SYNE1: variants seen among roughly 807,000 people sequenced by gnomAD.
SYNE1 encodes spectrin repeat containing nuclear envelope protein 1.
In SYNE1, 616 loss-of-function variants were observed where a neutral mutation model predicts 1,111.0. The ratio of observed to expected loss-of-function variants is 0.55; its 90% CI spans 0.52 to 0.59. SYNE1 has a LOEUF of 0.59. Among genes scored for constraint, SYNE1 ranks in the 20% least tolerant of loss-of-function variants. The probability of loss-of-function intolerance (pLI) is 0.00; values close to 1 mark genes in which losing one functional copy is unlikely to be tolerated. For synonymous variants in SYNE1, 3,855 were observed against 3,825.8 expected (o/e 1.01, Z -0.28); for missense variants, 10,006 against 10,417.0 (o/e 0.96, Z 1.72).
At chr6:152,251,631 C>T (rs935491633) in intron 104 of SYNE1, among the ~76,000 whole-genome samples, 1 of 150,490 alleles carries the variant, frequency 6.6e-6, no homozygotes, top group Non-Finnish European at 1.5e-5. Context: ...TAGTGGCGGG[C>T]GCCTGTAGTC....
At chr6:152,546,441 A>G (rs888302975) in intron 3 of SYNE1, 5 of 152,114 alleles carry the variant, frequency 3.3e-5, no homozygotes, top group African/African-American at 4.8e-5. Flanking sequence ...TGAGATCTAC[A>G]TTGATCAATA....
rs779302145 is a variant in SYNE1, at chr6:152,407,013, C to G, written c.6723+1G>C. 21 of 1,612,374 alleles carry G rather than the reference C, an allele frequency of 1.3e-5. No individual in the cohort carries two copies. Among genetic ancestry groups the G allele is most frequent in the Non-Finnish European group, 1.7e-5 (20 of 1,179,548 alleles). On this transcript the variant is annotated splice_donor_variant, in intron 45 of 145. Transcript: ENST00000367255. LOFTEE classifies it high-confidence loss of function. ...GCCATATGTCAACACAGTCAATTTA[C>G]CTCAAATTCTTTAAGCAGTTCTTCA...
Position 152,206,308 on chromosome 6 carries a change from C to A in SYNE1, c.22879G>T (p.Ala7627Ser), listed in dbSNP as rs2153398279. 6.2e-7 allele frequency: 1 copy of A among 1,614,062 alleles called. No individual in the cohort carries two copies. The highest frequency in any genetic ancestry group is 8.5e-7 in the Non-Finnish European group (1 of 1,180,024). Reference sequence around the variant, plus strand: ...GCCGAGAGAAGGAGTTGCTTGCCAGCCTCCACAGTCAGGATGTAGCTGCCT... The same window carrying A: ...GCCGAGAGAAGGAGTTGCTTGCCAGACTCCACAGTCAGGATGTAGCTGCCT... Reference protein sequence around the residue: ...QQGSYILTVEAGKQLLLSADS... With the variant: ...QQGSYILTVESGKQLLLSADS... The change falls in exon 126 of 146, where the codon GCT becomes TCT. Residue 7627 changes from alanine (A) to serine (S), a missense_variant. By Grantham distance (99) the Ala-to-Ser change is moderately conservative (BLOSUM62 1). Coordinates refer to ENST00000367255, the MANE Select transcript of SYNE1 (RefSeq NM_182961.4).
Position 152,359,476 on chromosome 6 carries a change from A to G in SYNE1, c.10300-18T>C. The G allele has an allele frequency of 6.2e-7, 1 of 1,614,152 alleles. No homozygotes were observed. Among genetic ancestry groups the G allele is most frequent in the Non-Finnish European group, 8.5e-7 (1 of 1,180,014 alleles). On this transcript the variant is annotated intron_variant, in intron 64 of 145. Coordinates refer to ENST00000367255, the MANE Select transcript of SYNE1 (RefSeq NM_182961.4). ...TTTAATAACTAGAGAGCATTTAAGA[A>G]AAATAAAGTGGCCATTCATGCACCA...
At chr6:152,519,996 G>A (rs749481744) in intron 6 of SYNE1, among the ~76,000 whole-genome samples, 1 of 152,052 alleles carries the variant, frequency 6.6e-6, no homozygotes, top group Non-Finnish European at 1.5e-5. Context: ...GAGACATTAT[G>A]CAAAATAACT....
intron 145 of SYNE1, chr6:152,125,131 A>G: frequency 1.0e-6 from 1 of 952,684 alleles, no homozygotes; most frequent in Non-Finnish European, 1.5e-6. Flanking sequence ...TTCAGATTCT[A>G]CAGTTAAAGG....
rs188873718 is a variant in SYNE1 at position 152,617,070 on chromosome 6, G to A, written c.67+11195C>T. Among the ~76,000 whole-genome samples the A allele has an allele frequency of 1.4e-4, 21 of 152,198 alleles. No individual in the cohort carries two copies. The East Asian group carries it at 3.5e-3, about 25-fold the overall frequency. On this transcript the variant is annotated intron_variant, in intron 3 of 145. Transcript: ENST00000367255. Reference sequence around the variant, plus strand: ...TACTAAGTTACCCCTCAATTCTCTCGGAGACTGAAGTCCCTCAAATATCTA... The same window carrying A: ...TACTAAGTTACCCCTCAATTCTCTCAGAGACTGAAGTCCCTCAAATATCTA...
At chr6:152,367,505 G>T in intron 61 of SYNE1, 123 bp from the exon 62 acceptor site, 1 of 1,110,602 alleles carries the variant, frequency 9.0e-7, no homozygotes, top group Non-Finnish European at 1.4e-6. Flanking sequence ...TACGAGGCAA[G>T]TCTGGCCTAA....
At chr6:152,466,177 A>G (rs1468701517) in intron 16 of SYNE1, 99 bp from the exon 17 acceptor site, 2 of 719,406 alleles carry the variant, frequency 2.8e-6, no homozygotes, top group African/African-American at 1.8e-5. Flanking sequence ...AGTTTACCCA[A>G]ATTTGTTAAT....
intron 66 of SYNE1, among the ~76,000 whole-genome samples, chr6:152,357,139 A>G (rs1422504105): frequency 6.6e-6 from 1 of 152,210 alleles, no homozygotes; most frequent in Non-Finnish European, 1.5e-5. Context: ...CTTCATGAGT[A>G]GACCGTATAT....
chr6:152,515,892 G>C (rs1434285026), intron 6 of SYNE1, among the ~76,000 whole-genome samples: 1 of 152,152 alleles, frequency 6.6e-6, no homozygotes, highest in Non-Finnish European at 1.5e-5. Flanking sequence ...TAAGAGAAAA[G>C]CTAAGGACAC....
chr6:152,261,971 C>A (rs187006742), intron 101 of SYNE1, 61 bp downstream of exon 101: 2 of 1,391,388 alleles, frequency 1.4e-6, no homozygotes, highest in African/African-American at 1.4e-5. Context: ...CAGTTATAAT[C>A]CCTCAGCATA....
At chr6:152,369,764 C>T in intron 59 of SYNE1, 150 bp from the exon 60 acceptor site, 1 of 896,226 alleles carries the variant, frequency 1.1e-6, no homozygotes, top group Non-Finnish European at 1.8e-6. Flanking sequence ...GAGCAGATAG[C>T]TTGAGCTCAG....
chr6:152,607,096 T>C (rs1006835018), intron 3 of SYNE1, among the ~76,000 whole-genome samples: 4 of 147,062 alleles, frequency 2.7e-5, no homozygotes, highest in African/African-American at 5.0e-5. Context: ...GCCATTCTCC[T>C]GCCTCAGCCC....
intron 3 of SYNE1, among the ~76,000 whole-genome samples, chr6:152,611,026 A>C (rs1221689149): frequency 6.6e-6 from 1 of 152,230 alleles, no homozygotes; most frequent in Non-Finnish European, 1.5e-5. Context: ...AATCGCTACC[A>C]GCCACTGTAA....
chr6:152,339,516 G>T, intron 74 of SYNE1, 150 bp from the exon 75 acceptor site: 2 of 1,148,830 alleles, frequency 1.7e-6, no homozygotes, highest in Non-Finnish European at 2.5e-6. Context: ...ATATATTAGT[G>T]ACTCACAGGA....
chr6:152,151,111 C>A (rs1459177220), intron 135 of SYNE1, among the ~76,000 whole-genome samples: 6 of 151,742 alleles, frequency 4.0e-5, no homozygotes, highest in African/African-American at 1.5e-4. Flanking sequence ...AATCTCAGCT[C>A]CTTGGCAGGC....
At chr6:152,337,647 A>G (rs775209414) in intron 75 of SYNE1, among the ~76,000 whole-genome samples, 10 of 152,168 alleles carry the variant, frequency 6.6e-5, no homozygotes, top group Non-Finnish European at 1.3e-4. Context: ...GGTTTTTCCC[A>G]TTGGGCATTT....
At chr6:152,129,090 G>A (rs1338443097) in intron 145 of SYNE1, 1 of 152,280 alleles carries the variant, frequency 6.6e-6, no homozygotes, top group Non-Finnish European at 1.5e-5. Flanking sequence ...GTCGTAGTGA[G>A]AATGTGGCTG....
Sources: gnomAD v4.1 joint callset for allele counts (sites outside exome capture counted in the v4.1 genomes callset) on GRCh38, gnomAD v4.1.1 for gene constraint, MANE v1.5 for transcripts, NCBI Gene and HGNC (gene_info 2026-07-23, HGNC 2026-07-21) for gene names.